Variants in NXPE4 observed in about 807,000 individuals in gnomAD.
NXPE4 encodes NXPE family member 4.
NXPE4 carries 42 observed loss-of-function variants against 33.3 expected under a neutral mutation model. The observed-to-expected ratio is 1.26, with a 90% confidence interval of 0.98 to 1.63. The LOEUF (loss-of-function observed/expected upper bound fraction) is 1.63. Among genes scored for constraint, NXPE4 ranks in the 40% most tolerant of loss-of-function variants. The pLI, the probability that NXPE4 is intolerant of heterozygous loss-of-function variation, is 0.00. For synonymous variants in NXPE4, 253 were observed against 234.9 expected (o/e 1.08, Z -0.71); for missense variants, 709 against 647.6 (o/e 1.09, Z -1.03).
the NXPE4 span, among the ~76,000 whole-genome samples, chr11:114,635,457 T>C: frequency 0.16 from 24,882 of 151,222 alleles, 2,660 homozygotes; most frequent in Non-Finnish European, 0.22. Context: ...ACCCTTTATT[T>C]CCTTCTCCTG....
At chr11:114,639,296 G>C in the NXPE4 span, among the ~76,000 whole-genome samples, 1 of 152,060 alleles carries the variant, frequency 6.6e-6, no homozygotes, top group African/African-American at 2.4e-5. Context: ...ATCTCCTGGT[G>C]CACCGTTCCT....
chr11:114,580,433 G>T, intron 4 of NXPE4, 95 bp from the exon 5 acceptor site: 1 of 988,220 alleles, frequency 1.0e-6, no homozygotes, highest in South Asian at 1.4e-5. Flanking sequence ...TCCTAAGAGG[G>T]GGTAAGGTGG....
chr11:114,580,267 TCCAGACATGCCCACTG>T lies in NXPE4; in HGVS notation c.948_963del (p.Ser317GlufsTer16). ...CAGGAGACAGGATTCCATGTGTTTC[TCCAGACATGCCCACTG>T]GGGATTGTGGATGTCATTCCAAACT... On this transcript the variant is annotated frameshift_variant, in exon 5 of 6. Coordinates refer to ENST00000375478, the MANE Select transcript of NXPE4 (RefSeq NM_001077639.2). LOFTEE classifies it high-confidence loss of function. 1 of 1,614,038 alleles carries T rather than the reference TCCAGACATGCCCACTG, an allele frequency of 6.2e-7. No homozygotes were observed. The highest frequency in any genetic ancestry group is 8.5e-7 in the Non-Finnish European group (1 of 1,179,906).
the NXPE4 span, among the ~76,000 whole-genome samples, chr11:114,648,308 G>A: frequency 2.0e-5 from 3 of 152,076 alleles, no homozygotes; most frequent in South Asian, 2.1e-4. Context: ...AAGCTGGTAG[G>A]TTGAAGGTCC....
chr11:114,612,911 G>A, the NXPE4 span, among the ~76,000 whole-genome samples: 1 of 151,908 alleles, frequency 6.6e-6, no homozygotes, highest in African/African-American at 2.4e-5. Context: ...CTGTTACCCG[G>A]TGGATAATAA....
At chr11:114,638,843 A>T in the NXPE4 span, among the ~76,000 whole-genome samples, 1 of 151,686 alleles carries the variant, frequency 6.6e-6, no homozygotes, top group South Asian at 2.1e-4. Context: ...TCAGTGGAGT[A>T]CCCAGCCGTG....
chr11:114,626,258 G>A, the NXPE4 span, among the ~76,000 whole-genome samples: 1 of 152,198 alleles, frequency 6.6e-6, no homozygotes, highest in Non-Finnish European at 1.5e-5. Flanking sequence ...AGTAACCTCT[G>A]CAGACTTAAA....
the NXPE4 span, among the ~76,000 whole-genome samples, chr11:114,650,600 G>A: frequency 4.6e-5 from 7 of 152,146 alleles, no homozygotes; most frequent in Non-Finnish European, 1.0e-4. Flanking sequence ...AAAGGGAGGA[G>A]GTGGAAGAAT....
the NXPE4 span, among the ~76,000 whole-genome samples, chr11:114,619,835 C>T: frequency 1.3e-5 from 2 of 151,914 alleles, no homozygotes. Context: ...AGTGTTGCCT[C>T]GTTGGTAACC....
the NXPE4 span, among the ~76,000 whole-genome samples, chr11:114,664,800 G>A: frequency 9.9e-4 from 151 of 152,208 alleles, no homozygotes; most frequent in African/African-American, 3.3e-3. Context: ...GCAGGGCAGC[G>A]GCAGAGAGCC....
At chr11:114,632,985 T>A in the NXPE4 span, among the ~76,000 whole-genome samples, 54 of 104,268 alleles carry the variant, frequency 5.2e-4, 1 homozygote, top group South Asian at 0.013. Flanking sequence ...ATTATATATT[T>A]TTATATAATA....
the NXPE4 span, among the ~76,000 whole-genome samples, chr11:114,632,928 TATA>T: frequency 1.7e-4 from 16 of 96,574 alleles, no homozygotes; most frequent in South Asian, 3.0e-4. Flanking sequence ...TATATAATTA[TATA>T]ATAATATATA....
chr11:114,604,723 C>A, the NXPE4 span, among the ~76,000 whole-genome samples: 10 of 151,932 alleles, frequency 6.6e-5, no homozygotes, highest in Admixed American at 4.6e-4. Flanking sequence ...TGTGGGTAAC[C>A]ACTGTTACTC....
chr11:114,634,766 A>G, the NXPE4 span, among the ~76,000 whole-genome samples: 5 of 152,026 alleles, frequency 3.3e-5, no homozygotes, highest in African/African-American at 1.2e-4. Context: ...CAAAGATCAG[A>G]TAGTTGTAGA....
At chr11:114,664,027 C>G in the NXPE4 span, among the ~76,000 whole-genome samples, 166 of 152,250 alleles carry the variant, frequency 1.1e-3, no homozygotes, top group Non-Finnish European at 2.1e-3. Context: ...CACAGCAATG[C>G]CACACCAGAG....
At chr11:114,597,892 C>T (rs1299071081), upstream of NXPE4, among the ~76,000 whole-genome samples, 1 of 152,132 alleles carries the variant, frequency 6.6e-6, no homozygotes, top group Non-Finnish European at 1.5e-5. Flanking sequence ...TCATTGTTCT[C>T]ACATTTCAAA....
the NXPE4 span, among the ~76,000 whole-genome samples, chr11:114,661,246 A>G: frequency 0.16 from 24,268 of 152,114 alleles, 2,213 homozygotes; most frequent in South Asian, 0.2. Context: ...TAAATCAACA[A>G]CTTGATTTTA....
At chr11:114,653,343 T>C in the NXPE4 span, among the ~76,000 whole-genome samples, 1 of 152,224 alleles carries the variant, frequency 6.6e-6, no homozygotes, top group Non-Finnish European at 1.5e-5. Context: ...TTGGTACTTT[T>C]ATTGTCCCTA....
chr11:114,666,419 T>C, the NXPE4 span, among the ~76,000 whole-genome samples: 1 of 152,232 alleles, frequency 6.6e-6, no homozygotes, highest in South Asian at 2.1e-4. Context: ...GATTAAAAAA[T>C]CAATTCAATT....
Sources: gnomAD v4.1 joint callset for allele counts (sites outside exome capture counted in the v4.1 genomes callset) on GRCh38, gnomAD v4.1.1 for gene constraint, MANE v1.5 for transcripts, NCBI Gene and HGNC (gene_info 2026-07-23, HGNC 2026-07-21) for gene names.